Variants in PTPN12 observed in about 807,000 individuals in gnomAD.
The protein encoded by PTPN12 is tyrosine-protein phosphatase non-receptor type 12.
A neutral mutation model predicts 97.6 loss-of-function variants in PTPN12; 29 were observed. That is an observed-to-expected ratio of 0.30 (90% CI 0.22 to 0.41). The LOEUF is 0.41. Among genes scored for constraint, PTPN12 ranks in the 10% least tolerant of loss-of-function variants. PTPN12 has a pLI of 1.00. For synonymous variants in PTPN12, 327 were observed against 300.4 expected (o/e 1.09, Z -0.91); for missense variants, 819 against 926.0 (o/e 0.88, Z 1.50).
chr7:77,617,935 G>A (rs1391279508), intron 11 of PTPN12, among the ~76,000 whole-genome samples: 3 of 152,094 alleles, frequency 2.0e-5, no homozygotes, highest in Admixed American at 6.6e-5. Context: ...CAGTGATATA[G>A]GAGCTATATT....
chr7:77,632,721 C>T (rs1222953746), intron 14 of PTPN12, among the ~76,000 whole-genome samples: 3 of 152,102 alleles, frequency 2.0e-5, no homozygotes, highest in Non-Finnish European at 4.4e-5. Context: ...CTTTGGGAGG[C>T]CTAGGCAGGT....
At chr7:77,539,778 G>A (rs1455938504) in intron 1 of PTPN12, among the ~76,000 whole-genome samples, 1 of 152,104 alleles carries the variant, frequency 6.6e-6, no homozygotes, top group Non-Finnish European at 1.5e-5. Flanking sequence ...ATAGGCACGT[G>A]CCACCACGCC....
At chr7:77,582,368 T>C (rs550588425) in intron 3 of PTPN12, among the ~76,000 whole-genome samples, 4 of 152,282 alleles carry the variant, frequency 2.6e-5, no homozygotes, top group African/African-American at 9.6e-5. Context: ...AGGCTTTTTT[T>C]CCATCAGCTA....
chr7:77,600,330 A>G (rs891559417), intron 7 of PTPN12, among the ~76,000 whole-genome samples: 4 of 152,210 alleles, frequency 2.6e-5, no homozygotes, highest in African/African-American at 9.6e-5. Flanking sequence ...TTTACAGTAC[A>G]TGCTCTGGAA....
At chr7:77,597,938 A>G in intron 7 of PTPN12, 37 bp downstream of exon 7, 1 of 1,601,636 alleles carries the variant, frequency 6.2e-7, no homozygotes, top group African/African-American at 1.3e-5. Context: ...CTGTAAGAAT[A>G]GTTTTCAGGC....
At chr7:77,558,804 C>G (rs778442097) in intron 1 of PTPN12, among the ~76,000 whole-genome samples, 143 of 152,174 alleles carry the variant, frequency 9.4e-4, no homozygotes, top group Non-Finnish European at 1.7e-3. Context: ...AGGAGGATTC[C>G]TTGAGGCCAG....
chr7:77,580,781 A>G (rs1787488870), intron 2 of PTPN12, among the ~76,000 whole-genome samples: 1 of 152,126 alleles, frequency 6.6e-6, no homozygotes, highest in South Asian at 2.1e-4. Context: ...AATTTGTTAT[A>G]ATTTGCTTTT....
Position 77,638,726 on chromosome 7 carries a change from A to T in PTPN12, c.2276A>T (p.Asp759Val), listed in dbSNP as rs1789695816. The change falls in exon 17 of 18, where the codon GAT (aspartate) becomes GTT (valine). Residue 759 changes from aspartate (D) to valine (V), a missense_variant. Around this residue, in one of 5 missense-constraint regions of PTPN12, gnomAD observed 607 missense variants for 577.3 expected, o/e 1.05. Coordinates refer to ENST00000248594, the MANE Select transcript of PTPN12 (RefSeq NM_002835.4). ...QISENPTEAT[D>V]IGFGNRCGKP... The stretch of plus-strand genomic sequence containing the variant: ...TCAGAAAATCCAACAGAAGCCACAG[A>T]TATTGGTAATTTGTTTAATAAATAA... 1.3e-6 allele frequency: 2 copies of T among 1,596,776 alleles called. No individual in the cohort carries two copies. Among genetic ancestry groups the T allele is most frequent in the South Asian group, 2.3e-5 (2 of 87,492 alleles).
chr7:77,553,644 T>C (rs1026809990), intron 1 of PTPN12, among the ~76,000 whole-genome samples: 1 of 152,216 alleles, frequency 6.6e-6, no homozygotes, highest in Non-Finnish European at 1.5e-5. Context: ...TTTTTTTCCA[T>C]CCATTTGCTT....
At chr7:77,603,813 C>T (rs966893184) in intron 8 of PTPN12, among the ~76,000 whole-genome samples, 7 of 151,770 alleles carry the variant, frequency 4.6e-5, no homozygotes, top group African/African-American at 1.7e-4. Context: ...CTTAATTCTG[C>T]CACTGGCAGT....
chr7:77,636,744 A>G (rs1789607816), intron 15 of PTPN12: 2 of 269,500 alleles, frequency 7.4e-6, no homozygotes, highest in Admixed American at 9.9e-5. Context: ...TAATGATATA[A>G]TTAGTAATAG....
intron 1 of PTPN12, chr7:77,538,035 G>T: frequency 9.9e-7 from 1 of 1,013,830 alleles, no homozygotes; most frequent in Non-Finnish European, 1.2e-6. Context: ...TCCCAGGAGG[G>T]TCGAGGCAAG....
At chr7:77,577,037 A>T (rs1369219595) in intron 2 of PTPN12, among the ~76,000 whole-genome samples, 1 of 152,166 alleles carries the variant, frequency 6.6e-6, no homozygotes, top group Non-Finnish European at 1.5e-5. Flanking sequence ...ACTGGGGTGG[A>T]TATACACTCA....
intron 1 of PTPN12, among the ~76,000 whole-genome samples, chr7:77,543,559 A>G (rs1289899323): frequency 6.6e-6 from 1 of 152,172 alleles, no homozygotes. Flanking sequence ...AGATTTATTC[A>G]TTTAAAGTCT....
intron 5 of PTPN12, among the ~76,000 whole-genome samples, chr7:77,587,358 G>C (rs550486572): frequency 5.3e-5 from 8 of 150,942 alleles, no homozygotes; most frequent in Non-Finnish European, 8.9e-5. Context: ...GACCAGGTGC[G>C]TTGTAAACGG....
intron 1 of PTPN12, among the ~76,000 whole-genome samples, chr7:77,545,294 ACAT>A (rs1318757321): frequency 1.3e-5 from 2 of 152,130 alleles, no homozygotes; most frequent in African/African-American, 4.8e-5. Context: ...TCCATTCAAC[ACAT>A]CATACTCACT....
intron 9 of PTPN12, among the ~76,000 whole-genome samples, chr7:77,608,001 C>A (rs1584184088): frequency 6.6e-6 from 1 of 152,222 alleles, no homozygotes; most frequent in Non-Finnish European, 1.5e-5. Flanking sequence ...GTGATCCACT[C>A]ATCTCGGCCT....
chr7:77,590,453 GTA>G (rs1787829796), intron 5 of PTPN12, among the ~76,000 whole-genome samples: 1 of 152,148 alleles, frequency 6.6e-6, no homozygotes, highest in Non-Finnish European at 1.5e-5. Flanking sequence ...GCTCACACCT[GTA>G]ATCCCAGCTA....
chr7:77,542,030 C>A (rs12538166), intron 1 of PTPN12, among the ~76,000 whole-genome samples: 1 of 152,116 alleles, frequency 6.6e-6, no homozygotes, highest in Non-Finnish European at 1.5e-5. Context: ...ACACAGACTC[C>A]CTCTGATGGC....
Sources: allele counts gnomAD v4.1 joint callset (sites outside exome capture counted in the v4.1 genomes callset), GRCh38; gene constraint gnomAD v4.1.1; regional missense constraint gnomAD v4.1.1; transcripts MANE v1.5; gene names NCBI Gene and HGNC (gene_info 2026-07-23, HGNC 2026-07-21).